PLEKHA7: variants seen among roughly 807,000 people sequenced by gnomAD.
PLEKHA7 encodes the protein pleckstrin homology domain-containing family A member 7.
In PLEKHA7, 104 loss-of-function variants were observed where a neutral mutation model predicts 170.0. The ratio of observed to expected loss-of-function variants is 0.61; its 90% CI spans 0.52 to 0.72. The LOEUF (loss-of-function observed/expected upper bound fraction) is 0.72, where lower values mean the gene tolerates loss of function less well. PLEKHA7 is among the 30% of genes least tolerant of loss of function. The pLI is 0.00. For missense variants in PLEKHA7, 1,615 were observed against 1,671.7 expected (o/e 0.97, Z 0.59); for synonymous variants, 648 against 660.8 (o/e 0.98, Z 0.30).
chr11:16,890,173 G>A (rs911956592), intron 3 of PLEKHA7, among the ~76,000 whole-genome samples: 1 of 152,158 alleles, frequency 6.6e-6, no homozygotes, highest in Non-Finnish European at 1.5e-5. Context: ...GGAAACAAAA[G>A]GGCAATATTC....
Position 16,827,678 on chromosome 11 carries a change from G to A in PLEKHA7, c.873-1088C>T, listed in dbSNP as rs868544393. On this transcript the variant is annotated intron_variant, in intron 9 of 26. Coordinates refer to ENST00000531066, the MANE Select transcript of PLEKHA7 (RefSeq NM_001329630.2). ...CTAGTTGTCTGCATCCTGATCACCT[G>A]GCACCAGGGATACAATAGTGGCTCC... Among the ~76,000 whole-genome samples, 4 of 152,194 alleles carry A rather than the reference G, an allele frequency of 2.6e-5. No homozygotes were observed. The Middle Eastern group carries it at 0.01, about 391-fold the overall frequency.
rs568718448 is a variant in PLEKHA7 at position 17,002,989 on chromosome 11, C to CTTTTTTTTTTTTTTTTTTTTTTTT, written c.221+10999_221+11000insAAAAAAAAAAAAAAAAAAAAAAAA. Among the ~76,000 whole-genome samples the CTTTTTTTTTTTTTTTTTTTTTTTT allele has an allele frequency of 7.1e-5, 8 of 113,018 alleles. 3 individuals are homozygous for CTTTTTTTTTTTTTTTTTTTTTTTT. The highest frequency in any genetic ancestry group is 7.1e-5 in the Non-Finnish European group (4 of 56,158). 74.1% of individuals were successfully genotyped at this position (113,018 alleles called of 152,430 possible). Reference sequence around the variant, plus strand: ...CCTTTAAGTACCAGAATAGTTGTGCCTTTTTTTTTTTTTTTTTTTTGTGAT... The same window carrying CTTTTTTTTTTTTTTTTTTTTTTTT: ...CCTTTAAGTACCAGAATAGTTGTGCCTTTTTTTTTTTTTTTTTTTTTTTTTTTTTTTTTTTTTTTTTTTTGTGAT... On this transcript the variant is annotated intron_variant, in intron 3 of 26. Transcript: ENST00000531066.
Position 16,790,783 on chromosome 11 carries a change from AG to A in PLEKHA7, c.3052+14del. 6.2e-7 allele frequency: 1 copy of A among 1,604,916 alleles called. No homozygotes were observed. Among genetic ancestry groups the A allele is most frequent in the Non-Finnish European group, 8.5e-7 (1 of 1,175,182 alleles). ...TGGGATTCCCAGAGAAACTCCAGGGAGGGCCCTGCCTTACCTCTGCCTGGCA... is the reference window on the plus strand; with the variant it reads ...TGGGATTCCCAGAGAAACTCCAGGGAGGCCCTGCCTTACCTCTGCCTGGCA... On this transcript the variant is annotated intron_variant, in intron 21 of 26. Transcript: ENST00000531066.
chr11:16,983,567 T>A (rs11024100), intron 3 of PLEKHA7, among the ~76,000 whole-genome samples: 2 of 152,100 alleles, frequency 1.3e-5, no homozygotes, highest in Non-Finnish European at 2.9e-5. Flanking sequence ...ATGTGGCATT[T>A]CTCGTTTACT....
chr11:16,805,941 G>A (rs982184331), intron 13 of PLEKHA7, among the ~76,000 whole-genome samples: 5 of 152,160 alleles, frequency 3.3e-5, no homozygotes, highest in East Asian at 1.9e-4. Flanking sequence ...CCTTCAGGGT[G>A]CTCTTTCCAC....
intron 8 of PLEKHA7, among the ~76,000 whole-genome samples, chr11:16,848,730 G>A (rs1172267634): frequency 6.6e-6 from 1 of 152,166 alleles, no homozygotes; most frequent in Non-Finnish European, 1.5e-5. Flanking sequence ...ATTGTGACCT[G>A]CTTTCTTAAC....
In PLEKHA7 at chr11:16,826,258, C is replaced by A; in HGVS notation, c.1205G>T (p.Gly402Val). 2.5e-6 allele frequency: 4 copies of A among 1,614,220 alleles called. No individual in the cohort carries two copies. Among genetic ancestry groups the A allele is most frequent in the Non-Finnish European group, 3.4e-6 (4 of 1,180,028 alleles). The change falls in exon 10 of 27, where the codon GGC becomes GTC. Residue 402 changes from glycine (G) to valine (V), a missense_variant. Coordinates refer to ENST00000531066, the MANE Select transcript of PLEKHA7 (RefSeq NM_001329630.2). ...ACCAGTCCCATTCTGTTCTCCTGGG[C>A]CATATGAGGCAGGCAGCATTCCATT... ...EKNGMLPASYGPGEQNGTGGY... is the reference protein window; with the variant it reads ...EKNGMLPASYVPGEQNGTGGY...
At chr11:16,978,157 T>C (rs1863188702) in intron 3 of PLEKHA7, among the ~76,000 whole-genome samples, 1 of 152,200 alleles carries the variant, frequency 6.6e-6, no homozygotes, top group Non-Finnish European at 1.5e-5. Flanking sequence ...TTAACACAAC[T>C]TTAGTTTAAA....
chr11:16,850,303 C>A (rs186954978), intron 8 of PLEKHA7, among the ~76,000 whole-genome samples: 1 of 152,226 alleles, frequency 6.6e-6, no homozygotes, highest in Non-Finnish European at 1.5e-5. Context: ...TCCAGCTTGA[C>A]GTGTACGACA....
At chr11:17,007,476 C>T (rs1183044334) in intron 3 of PLEKHA7, among the ~76,000 whole-genome samples, 1 of 151,866 alleles carries the variant, frequency 6.6e-6, no homozygotes, top group Non-Finnish European at 1.5e-5. Flanking sequence ...GCACTCGCCA[C>T]CATGCCCATA....
intron 9 of PLEKHA7, among the ~76,000 whole-genome samples, chr11:16,830,407 T>C (rs979317640): frequency 3.3e-5 from 5 of 152,236 alleles, no homozygotes; most frequent in Admixed American, 2.0e-4. Context: ...GCTGAAGATT[T>C]AGAATCTTGC....
chr11:16,787,928 A>G (rs752652563), intron 23 of PLEKHA7: 5 of 152,202 alleles, frequency 3.3e-5, no homozygotes, highest in Non-Finnish European at 5.9e-5. Flanking sequence ...CCCTCTGAAT[A>G]CACAGTATAT....
intron 4 of PLEKHA7, among the ~76,000 whole-genome samples, chr11:16,856,160 G>A (rs1853432615): frequency 6.6e-6 from 1 of 152,208 alleles, no homozygotes; most frequent in South Asian, 2.1e-4. Context: ...AAGGAGGACA[G>A]ACTGTCATCC....
At position 16,817,085 on chromosome 11, in the gene PLEKHA7, C is replaced by T. The variant is rs1490353002; in HGVS notation, c.1581G>A (p.Gln527=). The T allele has an allele frequency of 6.2e-7, 1 of 1,613,450 alleles. No homozygotes were observed. Among genetic ancestry groups the T allele is most frequent in the Non-Finnish European group, 8.5e-7 (1 of 1,179,652 alleles). Residue 527 remains glutamine, a synonymous_variant, in exon 11 of 27, where the codon CAG becomes CAA. Transcript: ENST00000531066. The surrounding 1 kb of genome is among the most constrained non-coding windows in gnomAD (Gnocchi z 4.4). The stretch of plus-strand genomic sequence containing the variant: ...TGCCGTGCCGGAACTGCTGGCGCTG[C>T]TGCCACTCGTAGAGCTGCCACACGG... ...DGTVWQLYEW[Q]QRQQFRHGSP... is the part of the protein sequence containing the mutation.
rs1312574705 is a variant in PLEKHA7, at chr11:16,854,881, T to C, written c.522+8A>G. 6.2e-7 allele frequency: 1 copy of C among 1,612,500 alleles called. No homozygotes were observed. The highest frequency in any genetic ancestry group is 1.1e-5 in the South Asian group (1 of 91,044). On this transcript the variant is annotated splice_region_variant and intron_variant, in intron 6 of 26. Coordinates refer to ENST00000531066, the MANE Select transcript of PLEKHA7 (RefSeq NM_001329630.2). ...TCCTCCAGGATTCTCACTCCTCGGC[T>C]TCCTCACCTGCTTGTGCAGCCAGCC...
chr11:16,940,435 G>A (rs1860612009), intron 3 of PLEKHA7, among the ~76,000 whole-genome samples: 1 of 151,934 alleles, frequency 6.6e-6, no homozygotes, highest in Non-Finnish European at 1.5e-5. Context: ...CTACAGGCAG[G>A]TGCCACCATG....
intron 3 of PLEKHA7, among the ~76,000 whole-genome samples, chr11:16,938,076 C>T (rs992995274): frequency 1.3e-5 from 2 of 152,130 alleles, no homozygotes; most frequent in African/African-American, 2.4e-5. Context: ...TTTCCTCTTA[C>T]TTATATTTTC....
chr11:16,797,659 T>A (rs1037243288), intron 17 of PLEKHA7, among the ~76,000 whole-genome samples: 3 of 152,164 alleles, frequency 2.0e-5, no homozygotes, highest in African/African-American at 4.8e-5. Flanking sequence ...CTCAGCTCCA[T>A]GCCAAAGCAT....
chr11:16,904,771 ATTGC>A (rs757628329), intron 3 of PLEKHA7, among the ~76,000 whole-genome samples: 8 of 152,226 alleles, frequency 5.3e-5, no homozygotes, highest in Non-Finnish European at 8.8e-5. Flanking sequence ...CTTTGCATAT[ATTGC>A]TTTCAAATTT....
Sources: allele counts gnomAD v4.1 joint callset (sites outside exome capture counted in the v4.1 genomes callset), GRCh38; gene constraint gnomAD v4.1.1; non-coding constraint Gnocchi (gnomAD v3.1); transcripts MANE v1.5; gene names NCBI Gene and HGNC (gene_info 2026-07-23, HGNC 2026-07-21).